SDCCAG8: variants seen among roughly 807,000 people sequenced by gnomAD.
SDCCAG8 encodes the protein serologically defined colon cancer antigen 8.
SDCCAG8 carries 74 observed loss-of-function variants against 101.8 expected under a neutral mutation model. The ratio of observed to expected loss-of-function variants is 0.73; its 90% CI spans 0.60 to 0.88. The LOEUF (loss-of-function observed/expected upper bound fraction) is 0.88, where lower values mean the gene tolerates loss of function less well. Among genes scored for constraint, SDCCAG8 ranks in the 40% least tolerant of loss-of-function variants. SDCCAG8 has a pLI of 0.00. For synonymous variants in SDCCAG8, 281 were observed against 292.9 expected, an observed-to-expected ratio of 0.96 and a Z score of 0.41; for missense variants, 787 against 822.6, an observed-to-expected ratio of 0.96 and a Z score of 0.53.
intron 3 of SDCCAG8, among the ~76,000 whole-genome samples, chr1:243,272,294 T>C (rs964695664): frequency 5.3e-5 from 8 of 152,244 alleles, no homozygotes; most frequent in Non-Finnish European, 1.0e-4. Flanking sequence ...CATGTCACTT[T>C]CTTTTCTTCA....
chr1:243,446,777 T>C (rs956245191), intron 16 of SDCCAG8, among the ~76,000 whole-genome samples: 4 of 152,100 alleles, frequency 2.6e-5, no homozygotes, highest in Admixed American at 2.0e-4. Flanking sequence ...ATATACCTCA[T>C]GTACAGGTTT....
chr1:243,469,378 A>T (rs553960716), intron 16 of SDCCAG8, among the ~76,000 whole-genome samples: 1 of 152,332 alleles, frequency 6.6e-6, no homozygotes, highest in East Asian at 1.9e-4. Context: ...CTTGGCTATG[A>T]AGGCAGTTCC....
At chr1:243,283,865 C>A (rs982667530) in intron 4 of SDCCAG8, among the ~76,000 whole-genome samples, 1 of 152,110 alleles carries the variant, frequency 6.6e-6, no homozygotes, top group Non-Finnish European at 1.5e-5. Context: ...CTCAGCCTCC[C>A]GAGTGGCTGG....
intron 13 of SDCCAG8, among the ~76,000 whole-genome samples, chr1:243,386,677 C>T (rs902483053): frequency 1.3e-5 from 2 of 152,002 alleles, no homozygotes; most frequent in African/African-American, 2.4e-5. Flanking sequence ...CTCTTGAACC[C>T]GGGAAGTGGA....
At chr1:243,303,420 TA>T (rs2071743293) in intron 6 of SDCCAG8, among the ~76,000 whole-genome samples, 1 of 152,152 alleles carries the variant, frequency 6.6e-6, no homozygotes, top group African/African-American at 2.4e-5. Flanking sequence ...TCCATAAAGT[TA>T]ACTAAGTTTG....
At chr1:243,402,299 G>A (rs551461022) in intron 13 of SDCCAG8, among the ~76,000 whole-genome samples, 3 of 151,428 alleles carry the variant, frequency 2.0e-5, no homozygotes, top group East Asian at 1.9e-4. Context: ...GCATGATGGC[G>A]CACACCTGTA....
In SDCCAG8 at chr1:243,381,298, G is replaced by A. The variant is rs114499852; in HGVS notation, c.1616+2435G>A. On this transcript the variant is annotated intron_variant, in intron 13 of 17. Coordinates refer to ENST00000366541, the MANE Select transcript of SDCCAG8 (RefSeq NM_006642.5). The stretch of plus-strand genomic sequence containing the variant: ...GTTTCTCCTTATGGGATTTTAAAAC[G>A]GTAAATAGAGGCCAGGCGCAGTGCT... Among the ~76,000 whole-genome samples, 824 of 152,098 alleles carry A rather than the reference G, an allele frequency of 5.4e-3. 13 individuals carry two copies. The highest frequency in any genetic ancestry group is 0.018 in the African/African-American group (752 of 41,490).
chr1:243,360,207 G>A (rs191754077), intron 12 of SDCCAG8, among the ~76,000 whole-genome samples: 171 of 145,388 alleles, frequency 1.2e-3, no homozygotes, highest in African/African-American at 4.0e-3. Context: ...GTGCAGTGGC[G>A]CGATCTCAGC....
chr1:243,398,334 C>T (rs2079151929), intron 13 of SDCCAG8, among the ~76,000 whole-genome samples: 1 of 151,922 alleles, frequency 6.6e-6, no homozygotes, highest in Non-Finnish European at 1.5e-5. Context: ...TGATTTACTC[C>T]TGTGCTGTAT....
At chr1:243,491,420 A>T (rs1330778366) in intron 17 of SDCCAG8, among the ~76,000 whole-genome samples, 2 of 152,256 alleles carry the variant, frequency 1.3e-5, no homozygotes, top group Non-Finnish European at 2.9e-5. Flanking sequence ...TTCAGATTCA[A>T]ATATTACACT....
intron 13 of SDCCAG8, among the ~76,000 whole-genome samples, chr1:243,403,477 A>G (rs1000575290): frequency 3.3e-5 from 5 of 152,180 alleles, no homozygotes; most frequent in Admixed American, 2.0e-4. Context: ...TGCTGTACTA[A>G]CAGTATTTTA....
chr1:243,478,818 C>T (rs543327817), intron 16 of SDCCAG8, among the ~76,000 whole-genome samples: 5 of 151,928 alleles, frequency 3.3e-5, no homozygotes, highest in South Asian at 2.1e-4. Flanking sequence ...ATTAGCTGAG[C>T]GTGGTGGTGT....
intron 13 of SDCCAG8, among the ~76,000 whole-genome samples, chr1:243,389,380 A>G (rs1004118088): frequency 2.6e-5 from 4 of 152,164 alleles, no homozygotes; most frequent in African/African-American, 9.7e-5. Flanking sequence ...ATATAAAAAG[A>G]AAGAAGCACA....
In SDCCAG8 at chr1:243,500,078, G is replaced by C. The variant is rs879828098; in HGVS notation, c.*293G>C. The C allele has an allele frequency of 4.8e-6, 2 of 414,694 alleles. No homozygotes were observed. The highest frequency in any genetic ancestry group is 8.6e-6 in the Non-Finnish European group (2 of 232,978). The allele number at this position is 414,694 out of a possible 1,614,324, so 25.7% of individuals were successfully genotyped here. The stretch of plus-strand genomic sequence containing the variant: ...GTTATACATATGATTTTCAATAAAT[G>C]AACTTTTTAAAGACTTGAGTTGTAA... On this transcript the variant is annotated 3_prime_UTR_variant, in exon 18 of 18. Coordinates refer to ENST00000366541, the MANE Select transcript of SDCCAG8 (RefSeq NM_006642.5).
intron 17 of SDCCAG8, among the ~76,000 whole-genome samples, chr1:243,489,709 T>C (rs1665899535): frequency 6.6e-6 from 1 of 152,190 alleles, no homozygotes; most frequent in Non-Finnish European, 1.5e-5. Context: ...CGATGCTGAC[T>C]TTATTGTCTT....
intron 16 of SDCCAG8, among the ~76,000 whole-genome samples, chr1:243,428,578 G>T (rs1175041791): frequency 6.6e-6 from 1 of 152,106 alleles, no homozygotes; most frequent in Non-Finnish European, 1.5e-5. Context: ...TAGAAATAAT[G>T]AAAAGAAGTT....
At chr1:243,272,631 ACAGG>A (rs1269036519) in intron 3 of SDCCAG8, among the ~76,000 whole-genome samples, 2 of 152,216 alleles carry the variant, frequency 1.3e-5, no homozygotes, top group Non-Finnish European at 2.9e-5. Context: ...CTGAATCCAG[ACAGG>A]CAGGAAGACC....
At chr1:243,330,796 A>C (rs2074532452) in intron 10 of SDCCAG8, 104 bp downstream of exon 10, 13 of 1,130,954 alleles carry the variant, frequency 1.1e-5, no homozygotes, top group Middle Eastern at 2.3e-4. Flanking sequence ...TTAAATTTTA[A>C]AATCGTTATT....
chr1:243,360,036 C>G (rs906902940), intron 12 of SDCCAG8, among the ~76,000 whole-genome samples: 1 of 151,902 alleles, frequency 6.6e-6, no homozygotes, highest in African/African-American at 2.4e-5. Context: ...TGGTACTGAG[C>G]ATTTTTTCAG....
Sources: allele counts gnomAD v4.1 joint callset (sites outside exome capture counted in the v4.1 genomes callset), GRCh38; gene constraint gnomAD v4.1.1; transcripts MANE v1.5; gene names NCBI Gene and HGNC (gene_info 2026-07-23, HGNC 2026-07-21).